SLC5A11: variants seen among roughly 807,000 people sequenced by gnomAD.
The protein encoded by SLC5A11 is sodium/myo-inositol cotransporter 2.
A neutral mutation model predicts 69.8 loss-of-function variants in SLC5A11; 48 were observed. The ratio of observed to expected loss-of-function variants is 0.69; its 90% CI spans 0.55 to 0.87. The LOEUF is 0.87. Among genes scored for constraint, SLC5A11 ranks in the 40% least tolerant of loss-of-function variants. The probability of loss-of-function intolerance (pLI) is 0.00; values close to 1 mark genes in which losing one functional copy is unlikely to be tolerated. For missense variants in SLC5A11, 784 were observed against 866.1 expected (o/e 0.91, Z 1.19); for synonymous variants, 319 against 342.4 (o/e 0.93, Z 0.75).
intron 8 of SLC5A11, among the ~76,000 whole-genome samples, chr16:24,890,378 G>A (rs952324660): frequency 6.6e-6 from 1 of 150,896 alleles, no homozygotes; most frequent in Non-Finnish European, 1.5e-5. Flanking sequence ...CAGCTACTCA[G>A]GAGGCTGAAG....
At chr16:24,864,539 A>G (rs2046798318) in intron 3 of SLC5A11, among the ~76,000 whole-genome samples, 1 of 152,240 alleles carries the variant, frequency 6.6e-6, no homozygotes, top group African/African-American at 2.4e-5. Flanking sequence ...TTCTAGAGTT[A>G]CCAGTGACAT....
Position 24,861,197 on chromosome 16 carries a change from T to C in SLC5A11, c.136-1404T>C, listed in dbSNP as rs8063562. 1.6e-3 allele frequency among the ~76,000 whole-genome samples: 249 copies of C among 151,530 alleles called. 1 individual carries two copies. Among genetic ancestry groups the C allele is most frequent in the African/African-American group, 5.8e-3 (242 of 41,442 alleles). ...ATTAAGGATATTAACAACTTTGAGA[T>C]AAAAGGTCAGGCACAGTGGCTCACA... On this transcript the variant is annotated intron_variant, in intron 2 of 15. Transcript: ENST00000347898.
rs1384488662 is a variant in SLC5A11, at chr16:24,849,585, A to T, written c.-25+3147A>T. On this transcript the variant is annotated intron_variant, in intron 1 of 15. Coordinates refer to ENST00000347898, the Ensembl canonical transcript of SLC5A11. Reference sequence around the variant, plus strand: ...CTGCCTTGGGGGCAAAAAAAAAAAAAAAAAAAAAATATATATATATATATA... The same window carrying T: ...CTGCCTTGGGGGCAAAAAAAAAAAATAAAAAAAAATATATATATATATATA... Among the ~76,000 whole-genome samples the T allele has an allele frequency of 2.0e-4, 17 of 86,924 alleles. No individual in the cohort carries two copies. The East Asian group carries it at 2.4e-3, about 12-fold the overall frequency. 57.0% of individuals were successfully genotyped at this position (86,924 alleles called of 152,430 possible). A position where few individuals can be genotyped will look rare whatever the true frequency, so the allele number is the denominator to read the frequency against.
intron 12 of SLC5A11, 53 bp from the exon 14 acceptor site, chr16:24,907,910 G>C (rs2050191621): frequency 3.2e-6 from 5 of 1,575,936 alleles, no homozygotes; most frequent in Non-Finnish European, 4.3e-6. Context: ...GAGAGGGAAA[G>C]AGGAGTAAAT....
chr16:24,910,514 G>A (rs2050438265), intron 15 of SLC5A11, 37 bp downstream of exon 16: 1 of 1,596,922 alleles, frequency 6.3e-7, no homozygotes, highest in South Asian at 1.1e-5. Flanking sequence ...GCAAGAAGGA[G>A]TACGTGTTAA....
intron 7 of SLC5A11, among the ~76,000 whole-genome samples, chr16:24,880,684 G>T (rs1490435133): frequency 6.6e-6 from 1 of 151,960 alleles, no homozygotes; most frequent in Non-Finnish European, 1.5e-5. Flanking sequence ...TCTATCACCA[G>T]ACAGCACTGG....
intron 4 of SLC5A11, among the ~76,000 whole-genome samples, chr16:24,870,375 A>G (rs1309388807): frequency 6.6e-6 from 1 of 151,790 alleles, no homozygotes; most frequent in East Asian, 1.9e-4. Flanking sequence ...CCTGGGTGAC[A>G]AGAGTGAAAC....
intron 2 of SLC5A11, chr16:24,862,208 G>T (rs1281505491): frequency 6.3e-6 from 1 of 159,978 alleles, no homozygotes; most frequent in African/African-American, 2.4e-5. Flanking sequence ...ACCTCATAGG[G>T]GTTGGTAAGG....
intron 1 of SLC5A11, among the ~76,000 whole-genome samples, chr16:24,853,293 T>C (rs778099873): frequency 5.6e-5 from 8 of 143,710 alleles, no homozygotes; most frequent in Non-Finnish European, 1.2e-4. Context: ...TGGTGCCTAA[T>C]AAATGTTTAT....
At chr16:24,890,792 C>A in intron 8 of SLC5A11, 77 bp from the exon 10 acceptor site, 1 of 1,386,334 alleles carries the variant, frequency 7.2e-7, no homozygotes. Context: ...AGAATTTCAC[C>A]AGTCTCCAGC....
In SLC5A11 at chr16:24,891,098, G is replaced by GC. The variant is rs113914741; in HGVS notation, c.870+24_870+25insC. ...AGGTACAGGACAGTGGCCTGAGCAA[G>GC]TTTTTCCTTCTCTTTGCTTCTTTCC... On this transcript the variant is annotated intron_variant, in intron 9 of 15. Coordinates refer to ENST00000347898, the Ensembl canonical transcript of SLC5A11. 2.4e-3 allele frequency: 3,792 copies of GC among 1,602,184 alleles called. 83 individuals are homozygous for GC. In the African/African-American group the frequency reaches 0.045, roughly 19 times the overall value.
intron 9 of SLC5A11, among the ~76,000 whole-genome samples, chr16:24,895,116 T>A (rs2049060897): frequency 6.7e-6 from 1 of 150,026 alleles, no homozygotes; most frequent in Non-Finnish European, 1.5e-5. Context: ...TAGAGTGAGA[T>A]CCTGCCTCAG....
At chr16:24,875,881 G>A in intron 6 of SLC5A11, 150 bp downstream of exon 7, 1 of 694,532 alleles carries the variant, frequency 1.4e-6, no homozygotes, top group Non-Finnish European at 2.5e-6. Flanking sequence ...ATGGGGGGAG[G>A]TAAGCGTGGA....
At chr16:24,873,288 A>AGGAG (rs2047449170) in intron 5 of SLC5A11, among the ~76,000 whole-genome samples, 1 of 150,136 alleles carries the variant, frequency 6.7e-6, no homozygotes, top group Admixed American at 6.7e-5. Flanking sequence ...GAAGGAAGGA[A>AGGAG]GGAAGGAAGG....
At chr16:24,883,257 TG>T (rs34288334) in intron 7 of SLC5A11, among the ~76,000 whole-genome samples, 32,691 of 151,920 alleles carry the variant, frequency 0.22, 3,864 homozygotes, top group South Asian at 0.37. Flanking sequence ...CCTAGCTACT[TG>T]GGGGACTGAG....
exon 12 of SLC5A11, chr16:24,907,133 T>C: frequency 6.2e-7 from 1 of 1,613,930 alleles, no homozygotes; most frequent in Non-Finnish European, 8.5e-7. Context: ...TGGAATCACC[T>C]CCGGCCTCGG....
chr16:24,889,387 C>G (rs995686399), intron 8 of SLC5A11, among the ~76,000 whole-genome samples: 1 of 151,804 alleles, frequency 6.6e-6, no homozygotes, highest in East Asian at 1.9e-4. Context: ...GAGGTTGAGG[C>G]AGGAGGATAG....
chr16:24,890,483 C>CAAAA (rs1171814653), intron 8 of SLC5A11, among the ~76,000 whole-genome samples: 63 of 77,466 alleles, frequency 8.1e-4, no homozygotes, highest in African/African-American at 2.6e-3. Context: ...GACTTCATAT[C>CAAAA]AAAAAAAAAA....
chr16:24,902,562 T>TG (rs1431349531), intron 10 of SLC5A11, among the ~76,000 whole-genome samples: 1 of 151,726 alleles, frequency 6.6e-6, no homozygotes, highest in Non-Finnish European at 1.5e-5. Context: ...TTTTTTTTTT[T>TG]TTGAGACGGT....
Sources: allele counts gnomAD v4.1 joint callset (sites outside exome capture counted in the v4.1 genomes callset), GRCh38; gene constraint gnomAD v4.1.1; transcripts MANE v1.5; gene names NCBI Gene and HGNC (gene_info 2026-07-23, HGNC 2026-07-21).